Variants in TMCC3 observed in about 807,000 individuals in gnomAD.
TMCC3 encodes the protein transmembrane and coiled-coil domain family 3, also known as transmembrane and coiled-coil domain protein 3.
A neutral mutation model predicts 40.2 loss-of-function variants in TMCC3; 28 were observed. The observed-to-expected ratio is 0.70, with a 90% CI of 0.52 to 0.95. The LOEUF is 0.95. Among genes scored for constraint, TMCC3 ranks in the 40% least tolerant of loss-of-function variants. The pLI is 0.00. For synonymous variants in TMCC3, 255 were observed against 248.5 expected, an observed-to-expected ratio of 1.03 and a Z score of -0.25; for missense variants, 554 against 615.2, an observed-to-expected ratio of 0.90 and a Z score of 1.05.
At chr12:94,628,787 C>T (rs138636222) in intron 1 of TMCC3, among the ~76,000 whole-genome samples, 6 of 152,274 alleles carry the variant, frequency 3.9e-5, no homozygotes, top group Admixed American at 6.5e-5. Flanking sequence ...GCCATAAGCG[C>T]GTGACTTTTG....
chr12:94,582,965 CTTTTTT>C (rs753900771), intron 1 of TMCC3, among the ~76,000 whole-genome samples: 1 of 59,954 alleles, frequency 1.7e-5, no homozygotes, highest in Non-Finnish European at 2.8e-5. Context: ...GAAGGAGAAT[CTTTTTT>C]TTTTTTTTTT....
intron 1 of TMCC3, among the ~76,000 whole-genome samples, chr12:94,589,397 C>T (rs892083291): frequency 3.3e-5 from 5 of 152,154 alleles, no homozygotes; most frequent in South Asian, 2.1e-4. Context: ...ACCCAGGTTA[C>T]GGTGGGGCCT....
chr12:94,577,301 G>A (rs1043082726), intron 3 of TMCC3, among the ~76,000 whole-genome samples: 7 of 151,950 alleles, frequency 4.6e-5, no homozygotes, highest in Admixed American at 4.6e-4. Flanking sequence ...CAATTCTCCC[G>A]CCTCAGCCTC....
At chr12:94,630,803 G>A (rs1290908) in intron 1 of TMCC3, among the ~76,000 whole-genome samples, 144,232 of 152,268 alleles carry the variant, frequency 0.95, 68,418 homozygotes, top group African/African-American at 0.99. Context: ...AAACTGGCCC[G>A]CTGCAATCTC....
chr12:94,579,520 C>CAAACA (rs369768806), intron 2 of TMCC3, among the ~76,000 whole-genome samples: 6 of 152,114 alleles, frequency 3.9e-5, no homozygotes, highest in African/African-American at 1.4e-4. Flanking sequence ...ACAACAACAA[C>CAAACA]AAACAAAACA....
intron 1 of TMCC3, among the ~76,000 whole-genome samples, chr12:94,626,468 C>T (rs922406594): frequency 6.6e-6 from 1 of 152,182 alleles, no homozygotes; most frequent in East Asian, 1.9e-4. Context: ...CAAGGCCTTA[C>T]AAATCCTTTG....
rs1195475598 is a variant in TMCC3 at position 94,578,629 on chromosome 12, T to C, written c.996-100A>G. The C allele has an allele frequency of 1.0e-5, 14 of 1,338,508 alleles. No homozygotes were observed. In the African/African-American group the frequency reaches 1.8e-4, roughly 17 times the overall value. The allele number at this position is 1,338,508 out of a possible 1,614,324, so 82.9% of individuals were successfully genotyped here. A position where few individuals can be genotyped will look rare whatever the true frequency, so the allele number is the denominator to read the frequency against. ...TGCGCCAGTACCTTTTGGCTTGCTC[T>C]CATTCCCTGATGGGCTGTTTTTCTA... On this transcript the variant is annotated intron_variant, in intron 2 of 3. Transcript: ENST00000261226.
chr12:94,587,307 C>A (rs185496449), intron 1 of TMCC3, among the ~76,000 whole-genome samples: 5 of 152,274 alleles, frequency 3.3e-5, no homozygotes, highest in Admixed American at 3.3e-4. Flanking sequence ...GTCACCTCTA[C>A]GGGCTTCCAT....
At chr12:94,614,095 C>CAT (rs1165775267) in intron 1 of TMCC3, among the ~76,000 whole-genome samples, 1 of 41,110 alleles carries the variant, frequency 2.4e-5, no homozygotes. Flanking sequence ...ACTCCATCTC[C>CAT]AGAAAAAAAA....
At chr12:94,616,783 G>T (rs1303340688) in intron 1 of TMCC3, among the ~76,000 whole-genome samples, 4 of 152,244 alleles carry the variant, frequency 2.6e-5, no homozygotes, top group Non-Finnish European at 2.9e-5. Context: ...ACTTGGTGCA[G>T]TTGAAGACTG....
At position 94,571,483 on chromosome 12, in the gene TMCC3, G is replaced by A; in HGVS notation, c.1386C>T (p.Asn462=). 6.2e-7 allele frequency: 1 copy of A among 1,614,188 alleles called. No individual in the cohort carries two copies. ...AVTLLAIFCK[N]WDHILCAIER... The stretch of plus-strand genomic sequence containing the variant: ...CTATGGCACACAGGATATGGTCCCA[G>A]TTTTTACAAAATATAGCAAGAAGAG... The change falls in exon 4 of 4, where the codon AAC becomes AAT. Residue 462 remains asparagine (N), a synonymous_variant. Coordinates refer to ENST00000261226, the MANE Select transcript of TMCC3 (RefSeq NM_020698.4).
intron 1 of TMCC3, chr12:94,609,779 A>C (rs1356796484): frequency 2.0e-5 from 3 of 152,140 alleles, no homozygotes; most frequent in Admixed American, 1.3e-4. Flanking sequence ...TTTTCACTAC[A>C]CTATCCTCGG....
At chr12:94,614,366 C>A (rs117853465) in intron 1 of TMCC3, among the ~76,000 whole-genome samples, 3 of 152,132 alleles carry the variant, frequency 2.0e-5, no homozygotes, top group South Asian at 2.1e-4. Flanking sequence ...GTGAAGCATG[C>A]AGTCAGGAGA....
chr12:94,625,816 C>G (rs2138872194), intron 1 of TMCC3, among the ~76,000 whole-genome samples: 2 of 152,258 alleles, frequency 1.3e-5, no homozygotes, highest in East Asian at 1.9e-4. Context: ...TCTAGAGCAC[C>G]AGTAACTTCA....
chr12:94,612,397 G>A (rs540078094), intron 1 of TMCC3, among the ~76,000 whole-genome samples: 3 of 151,794 alleles, frequency 2.0e-5, no homozygotes, highest in Non-Finnish European at 2.9e-5. Flanking sequence ...TGCAATCTCC[G>A]CCTCCCGAGT....
chr12:94,603,062 G>A (rs370332600), intron 1 of TMCC3, among the ~76,000 whole-genome samples: 6 of 152,100 alleles, frequency 3.9e-5, no homozygotes, highest in Admixed American at 2.0e-4. Flanking sequence ...GACACAAACT[G>A]AGTATTACTC....
chr12:94,638,840 T>C (rs771213225), intron 1 of TMCC3, among the ~76,000 whole-genome samples: 1 of 152,206 alleles, frequency 6.6e-6, no homozygotes, highest in African/African-American at 2.4e-5. Context: ...AGTAAATATA[T>C]TTAGGTGCTG....
chr12:94,585,422 C>A (rs1327667760), intron 1 of TMCC3, among the ~76,000 whole-genome samples: 1 of 152,176 alleles, frequency 6.6e-6, no homozygotes, highest in Non-Finnish European at 1.5e-5. Context: ...AAGGGCCAGG[C>A]GCAGTGGCTC....
At chr12:94,626,182 A>G (rs2138872434) in intron 1 of TMCC3, among the ~76,000 whole-genome samples, 1 of 152,356 alleles carries the variant, frequency 6.6e-6, no homozygotes, top group South Asian at 2.1e-4. Context: ...CACTATCACG[A>G]GAACAGCATG....
Sources: gnomAD v4.1 joint callset for allele counts (sites outside exome capture counted in the v4.1 genomes callset) on GRCh38, gnomAD v4.1.1 for gene constraint, MANE v1.5 for transcripts, NCBI Gene and HGNC (gene_info 2026-07-23, HGNC 2026-07-21) for gene names.